Variants in SUGT1 observed in about 807,000 individuals in gnomAD.
SUGT1 encodes the protein SGT1 assembly cochaperone of MIS12 kinetochore complex, also known as protein SGT1 homolog.
In SUGT1, 15 loss-of-function variants were observed where a neutral mutation model predicts 56.1. The observed-to-expected ratio is 0.27, with a 90% confidence interval of 0.18 to 0.41. The LOEUF (loss-of-function observed/expected upper bound fraction) is 0.41, where lower values mean the gene tolerates loss of function less well. Among genes scored for constraint, SUGT1 ranks in the 10% least tolerant of loss-of-function variants. The pLI, the probability that SUGT1 is intolerant of heterozygous loss-of-function variation, is 1.00. For missense variants in SUGT1, 347 were observed against 382.2 expected, an observed-to-expected ratio of 0.91 and a Z score of 0.77; for synonymous variants, 123 against 128.6, an observed-to-expected ratio of 0.96 and a Z score of 0.30.
Position 52,696,914 on chromosome 13 carries a change from C to CTTTTTT in SUGT1, c.*9094_*9099dup, listed in dbSNP as rs60107053. 9.2e-6 allele frequency: 1 copy of CTTTTTT among 108,792 alleles called. No homozygotes were observed. The highest frequency in any genetic ancestry group is 3.5e-5 in the African/African-American group (1 of 28,556). 6.7% of individuals were successfully genotyped at this position (108,792 alleles called of 1,614,324 possible). ...TCAAAACCAGTGTGATATCCAAGTA[C>CTTTTTT]TTTTTTTTTTTTTTTTTTTTGCTAT... On this transcript the variant is annotated 3_prime_UTR_variant, in exon 13 of 13. Coordinates refer to ENST00000310528, the MANE Select transcript of SUGT1 (RefSeq NM_006704.5).
Position 52,696,878 on chromosome 13 carries a change from T to TA in SUGT1, c.*9044dup, listed in dbSNP as rs1203927375. On this transcript the variant is annotated 3_prime_UTR_variant, in exon 13 of 13. Coordinates refer to ENST00000310528, the MANE Select transcript of SUGT1 (RefSeq NM_006704.5). ...CTACATTGTTAGAGGTAGTAACAGT[T>TA]ATATAACTAATCAAAACCAGTGTGA... The TA allele has an allele frequency of 6.6e-6, 1 of 151,392 alleles. No individual in the cohort carries two copies. The highest frequency in any genetic ancestry group is 2.4e-5 in the African/African-American group (1 of 41,314). 9.4% of individuals were successfully genotyped at this position (151,392 alleles called of 1,614,324 possible). A position where few individuals can be genotyped will look rare whatever the true frequency, so the allele number is the denominator to read the frequency against.
In SUGT1 at chr13:52,698,086, A is replaced by G. The variant is rs1440635116; in HGVS notation, c.*10251A>G. 1 of 152,232 alleles carries G rather than the reference A, an allele frequency of 6.6e-6. No individual in the cohort carries two copies. Among genetic ancestry groups the G allele is most frequent in the Non-Finnish European group, 1.5e-5 (1 of 68,040 alleles). 9.4% of individuals were successfully genotyped at this position (152,232 alleles called of 1,614,324 possible). ...AAGATTGGAGAATGACCGGTTGTGA[A>G]CAGGGACTTAGGAATATGTGTAGCA... On this transcript the variant is annotated 3_prime_UTR_variant, in exon 13 of 13. Coordinates refer to ENST00000310528, the MANE Select transcript of SUGT1 (RefSeq NM_006704.5).
chr13:52,674,407 G>A (rs1963064018), intron 10 of SUGT1, among the ~76,000 whole-genome samples: 1 of 151,066 alleles, frequency 6.6e-6, no homozygotes, highest in Admixed American at 6.6e-5. Flanking sequence ...ACATTTCTTT[G>A]CTCCAAAAGA....
At chr13:52,675,289 T>C (rs1210978726) in intron 10 of SUGT1, among the ~76,000 whole-genome samples, 1 of 152,174 alleles carries the variant, frequency 6.6e-6, no homozygotes, top group Non-Finnish European at 1.5e-5. Context: ...ATTTTAAAAA[T>C]CCACCTGGGC....
At chr13:52,673,148 A>G (rs1963006334) in intron 10 of SUGT1, among the ~76,000 whole-genome samples, 1 of 152,244 alleles carries the variant, frequency 6.6e-6, no homozygotes, top group African/African-American at 2.4e-5. Context: ...AATCATGAAG[A>G]CTTAAAACTT....
intron 9 of SUGT1, 54 bp from the exon 10 acceptor site, chr13:52,666,758 T>G (rs978410088): frequency 2.6e-6 from 3 of 1,161,930 alleles, no homozygotes; most frequent in Non-Finnish European, 3.8e-6. Flanking sequence ...TGTAGGTTTT[T>G]TACCCTCCAT....
At chr13:52,671,150 A>G (rs1341124850) in intron 10 of SUGT1, among the ~76,000 whole-genome samples, 1 of 151,744 alleles carries the variant, frequency 6.6e-6, no homozygotes, top group African/African-American at 2.4e-5. Context: ...ATACATAGAT[A>G]TGAGAGTTTT....
chr13:52,677,590 C>G (rs1963200371), intron 11 of SUGT1, among the ~76,000 whole-genome samples: 1 of 152,146 alleles, frequency 6.6e-6, no homozygotes, highest in Admixed American at 6.5e-5. Flanking sequence ...TAACAGGCAG[C>G]CCCTTAGTAT....
At position 52,699,705 on chromosome 13, in the gene SUGT1, C is replaced by G. The variant is rs1239636580; in HGVS notation, c.*11870C>G. ...GGTCTTTGACTTTGTCAGTATATGG[C>G]AAATTTAGTATAAAAGATGATTAAT... On this transcript the variant is annotated 3_prime_UTR_variant, in exon 13 of 13. Coordinates refer to ENST00000310528, the MANE Select transcript of SUGT1 (RefSeq NM_006704.5). 4 of 152,166 alleles carry G rather than the reference C, an allele frequency of 2.6e-5. No homozygotes were observed. In the East Asian group the frequency reaches 7.7e-4, roughly 29 times the overall value. 9.4% of individuals were successfully genotyped at this position (152,166 alleles called of 1,614,324 possible). A position where few individuals can be genotyped will look rare whatever the true frequency, so the allele number is the denominator to read the frequency against.
chr13:52,679,837 A>AC, intron 11 of SUGT1, 137 bp from the exon 12 acceptor site: 1 of 735,904 alleles, frequency 1.4e-6, no homozygotes, highest in Non-Finnish European at 2.0e-6. Context: ...TACCAGAAAG[A>AC]CACTTATTGC....
At chr13:52,659,106 GTTT>G in intron 4 of SUGT1, 70 bp from the exon 5 acceptor site, 1 of 1,262,070 alleles carries the variant, frequency 7.9e-7, no homozygotes, top group South Asian at 1.6e-5. Context: ...AAAATACTAA[GTTT>G]TTTATTTAGA....
At chr13:52,665,568 G>C (rs1449588862) in intron 8 of SUGT1, 69 bp from the exon 9 acceptor site, 4 of 1,175,724 alleles carry the variant, frequency 3.4e-6, no homozygotes, top group Non-Finnish European at 4.8e-6. Context: ...TATCAGACTA[G>C]TTTTTGTTTT....
intron 3 of SUGT1, 45 bp from the exon 4 acceptor site, chr13:52,658,353 TA>T (rs750784872): frequency 1.2e-6 from 2 of 1,602,522 alleles, no homozygotes; most frequent in East Asian, 2.2e-5. Flanking sequence ...GTGTATTTGC[TA>T]GGATCTATAA....
rs904872784 is a variant in SUGT1 at position 52,692,723 on chromosome 13, A to C, written c.*4888A>C. 6.6e-6 allele frequency: 1 copy of C among 152,238 alleles called. No homozygotes were observed. Among genetic ancestry groups the C allele is most frequent in the Non-Finnish European group, 1.5e-5 (1 of 68,038 alleles). The allele number at this position is 152,238 out of a possible 1,614,324, so 9.4% of individuals were successfully genotyped here. A position where few individuals can be genotyped will look rare whatever the true frequency, so the allele number is the denominator to read the frequency against. ...TGTGCCCAGCCAAGAACTAATTCTT[A>C]TATAGGAGCTGGGAAGATAAATTCC... On this transcript the variant is annotated 3_prime_UTR_variant, in exon 13 of 13. Coordinates refer to ENST00000310528, the MANE Select transcript of SUGT1 (RefSeq NM_006704.5).
Position 52,652,881 on chromosome 13 carries a change from ATAG to A in SUGT1, c.-36_-34del. ...GGCGGTGGTGGAGGTGGTAACCGTG[ATAG>A]TAGCAGCTCCGGCGGCAGCAACAGC... On this transcript the variant is annotated 5_prime_UTR_variant, in exon 1 of 13. Coordinates refer to ENST00000310528, the MANE Select transcript of SUGT1 (RefSeq NM_006704.5). 2 of 1,605,894 alleles carry A rather than the reference ATAG, an allele frequency of 1.2e-6. No homozygotes were observed. The highest frequency in any genetic ancestry group is 1.7e-6 in the Non-Finnish European group (2 of 1,175,706).
At chr13:52,670,175 A>T (rs189769086) in intron 10 of SUGT1, among the ~76,000 whole-genome samples, 1 of 152,236 alleles carries the variant, frequency 6.6e-6, no homozygotes, top group African/African-American at 2.4e-5. Context: ...AATATTATTT[A>T]TTTGAGTGAT....
At position 52,653,433 on chromosome 13, in the gene SUGT1, C is replaced by T. The variant is rs1009338548; in HGVS notation, c.96+330C>T. ...TGATTAGAGAAGTGGACTCTGGGCT[C>T]GATGAAGTTAATTTTTTCGTTTGAC... On this transcript the variant is annotated intron_variant, in intron 2 of 12. Coordinates refer to ENST00000310528, the MANE Select transcript of SUGT1 (RefSeq NM_006704.5). Among the ~76,000 whole-genome samples, 12 of 151,918 alleles carry T rather than the reference C, an allele frequency of 7.9e-5. No individual in the cohort carries two copies. The East Asian group carries it at 2.3e-3, about 29-fold the overall frequency.
intron 12 of SUGT1, among the ~76,000 whole-genome samples, chr13:52,684,226 G>T (rs1257465680): frequency 1.3e-5 from 2 of 151,950 alleles, no homozygotes; most frequent in Admixed American, 1.3e-4. Context: ...TGTCTGCAGG[G>T]TTTATAGTGA....
chr13:52,691,151 T>C lies in SUGT1; in HGVS notation c.*3316T>C, dbSNP rs1274605510. The stretch of plus-strand genomic sequence containing the variant: ...GCATGCATCACCACGACTGGCTAAT[T>C]TTTGTATTTTTTTTGTAGAACCGGG... On this transcript the variant is annotated 3_prime_UTR_variant, in exon 13 of 13. Coordinates refer to ENST00000310528, the MANE Select transcript of SUGT1 (RefSeq NM_006704.5). 5.9e-5 allele frequency: 9 copies of C among 152,030 alleles called. No individual in the cohort carries two copies. The highest frequency in any genetic ancestry group is 8.8e-5 in the Non-Finnish European group (6 of 68,034). The allele number at this position is 152,030 out of a possible 1,614,324, so 9.4% of individuals were successfully genotyped here. A position where few individuals can be genotyped will look rare whatever the true frequency, so the allele number is the denominator to read the frequency against.
Sources: gnomAD v4.1 joint callset for allele counts (sites outside exome capture counted in the v4.1 genomes callset) on GRCh38, gnomAD v4.1.1 for gene constraint, MANE v1.5 for transcripts, NCBI Gene and HGNC (gene_info 2026-07-23, HGNC 2026-07-21) for gene names.